Variants in CPN1 observed in about 807,000 individuals in gnomAD.
CPN1 encodes the protein carboxypeptidase N subunit 1, also known as carboxypeptidase N catalytic chain.
CPN1 carries 37 observed loss-of-function variants against 46.4 expected under a neutral mutation model. The observed-to-expected ratio is 0.80, with a 90% confidence interval of 0.61 to 1.05. CPN1 has a LOEUF of 1.05. CPN1 is among the 50% of genes least tolerant of loss of function. The pLI, the probability that CPN1 is intolerant of heterozygous loss-of-function variation, is 0.00. For synonymous variants in CPN1, 224 were observed against 235.4 expected (o/e 0.95, Z 0.44); for missense variants, 563 against 602.6 (o/e 0.93, Z 0.69).
intron 1 of CPN1, among the ~76,000 whole-genome samples, chr10:100,078,082 G>T (rs1255279670): frequency 6.6e-6 from 1 of 151,802 alleles, no homozygotes; most frequent in Non-Finnish European, 1.5e-5. Flanking sequence ...GTCTTGCTCA[G>T]TCATTCATGC....
chr10:100,067,661 G>A (rs2041461880), intron 3 of CPN1, among the ~76,000 whole-genome samples: 1 of 152,198 alleles, frequency 6.6e-6, no homozygotes, highest in Non-Finnish European at 1.5e-5. Context: ...ACCAGGGGTG[G>A]CAGTGATGCT....
rs1393911125 is a variant in CPN1 at position 100,048,671 on chromosome 10, C to T, written c.1230+87G>A. On this transcript the variant is annotated intron_variant, in intron 8 of 8. Coordinates refer to ENST00000370418, the MANE Select transcript of CPN1 (RefSeq NM_001308.3). ...CCACAGTGGTGCCACTGCACTCCAG[C>T]CTGGGTGACAGAGCAGGACACTGTC... 14 of 1,002,496 alleles carry T rather than the reference C, an allele frequency of 1.4e-5. No homozygotes were observed. The Admixed American group carries it at 2.4e-4, about 17-fold the overall frequency. The allele number at this position is 1,002,496 out of a possible 1,614,324, so 62.1% of individuals were successfully genotyped here. A position where few individuals can be genotyped will look rare whatever the true frequency, so the allele number is the denominator to read the frequency against.
At chr10:100,055,861 C>T (rs2041382189) in intron 6 of CPN1, among the ~76,000 whole-genome samples, 1 of 152,208 alleles carries the variant, frequency 6.6e-6, no homozygotes, top group Non-Finnish European at 1.5e-5. Context: ...TAATATTCCA[C>T]TGTATGGATA....
chr10:100,045,864 G>A (rs74152937), intron 8 of CPN1, among the ~76,000 whole-genome samples: 14,447 of 152,150 alleles, frequency 0.095, 1,072 homozygotes, highest in African/African-American at 0.2. Flanking sequence ...AAGGTGGTGG[G>A]AGGGTCTACT....
chr10:100,058,272 TG>T (rs1415910525), intron 5 of CPN1, among the ~76,000 whole-genome samples: 1 of 152,236 alleles, frequency 6.6e-6, no homozygotes, highest in Non-Finnish European at 1.5e-5. Context: ...GCACATGACC[TG>T]TTTTTAAAAG....
chr10:100,071,282 C>G (rs1431007874), intron 2 of CPN1, among the ~76,000 whole-genome samples: 2 of 152,014 alleles, frequency 1.3e-5, no homozygotes, highest in African/African-American at 4.8e-5. Flanking sequence ...ATAACAACAG[C>G]AATTTATTCT....
chr10:100,046,705 G>A (rs7076435), intron 8 of CPN1, among the ~76,000 whole-genome samples: 16,275 of 147,560 alleles, frequency 0.11, 1,468 homozygotes, highest in African/African-American at 0.25. Flanking sequence ...CCCGGGAGGC[G>A]GAGGTTGCAG....
At position 100,075,947 on chromosome 10, in the gene CPN1, G is replaced by C. The variant is rs747924477; in HGVS notation, c.384C>G (p.Ser128=). The change falls in exon 2 of 9, where the codon TCC becomes TCG. Residue 128 remains serine, a synonymous_variant. Coordinates refer to ENST00000370418, the MANE Select transcript of CPN1 (RefSeq NM_001308.3). ...IQDTRIHILP[S]MNPDGYEVAA... ...CCACCTCGTAGCCGTCGGGGTTCAT[G>C]GATGGCAGGATGTGAATGCGCGTGT... 1 of 1,614,186 alleles carries C rather than the reference G, an allele frequency of 6.2e-7. No individual in the cohort carries two copies. The highest frequency in any genetic ancestry group is 8.5e-7 in the Non-Finnish European group (1 of 1,180,048).
At chr10:100,060,965 C>G (rs1304240937) in intron 5 of CPN1, among the ~76,000 whole-genome samples, 1 of 151,732 alleles carries the variant, frequency 6.6e-6, no homozygotes, top group Non-Finnish European at 1.5e-5. Context: ...TTTGCAAAAA[C>G]AGGGATGAAG....
intron 1 of CPN1, among the ~76,000 whole-genome samples, chr10:100,078,026 T>C (rs2041525043): frequency 1.3e-5 from 2 of 152,110 alleles, no homozygotes; most frequent in African/African-American, 4.8e-5. Flanking sequence ...TTCTTTTGGC[T>C]CTCCTTTTTC....
In CPN1 at chr10:100,069,832, T is replaced by C; in HGVS notation, c.458A>G (p.Asn153Ser). The change falls in exon 3 of 9, where the codon AAT becomes AGT. Residue 153 changes from asparagine (N) to serine (S), a missense_variant. Transcript: ENST00000370418. ...GCGGTTCAGGTCCACTCCATTTGCA[T>C]TGTTCCTGCCAACTAGATACCCAGG... ...NKPGYLVGRN[N>S]ANGVDLNRNF... The C allele has an allele frequency of 1.9e-6, 3 of 1,613,878 alleles. No homozygotes were observed. Among genetic ancestry groups the C allele is most frequent in the Non-Finnish European group, 1.7e-6 (2 of 1,179,994 alleles).
At chr10:100,066,745 G>C (rs972139932) in intron 3 of CPN1, among the ~76,000 whole-genome samples, 1 of 152,224 alleles carries the variant, frequency 6.6e-6, no homozygotes, top group Non-Finnish European at 1.5e-5. Context: ...ACCAAGGTCA[G>C]CTCTACAGGC....
At chr10:100,063,033 A>G (rs941399228) in intron 5 of CPN1, among the ~76,000 whole-genome samples, 12 of 152,170 alleles carry the variant, frequency 7.9e-5, no homozygotes, top group Non-Finnish European at 1.5e-4. Flanking sequence ...ACAAATGACT[A>G]CATTATTTTC....
At chr10:100,061,020 G>A (rs2041413900) in intron 5 of CPN1, among the ~76,000 whole-genome samples, 1 of 151,796 alleles carries the variant, frequency 6.6e-6, no homozygotes, top group South Asian at 2.1e-4. Flanking sequence ...CTCATTTGTG[G>A]GAGCTAAAAA....
chr10:100,076,137 T>C, intron 1 of CPN1, 30 bp from the exon 2 acceptor site: 1 of 1,611,034 alleles, frequency 6.2e-7, no homozygotes, highest in Non-Finnish European at 8.5e-7. Context: ...TGGGGGAAGC[T>C]TGGAAGTGTC....
intron 5 of CPN1, among the ~76,000 whole-genome samples, chr10:100,063,369 C>T (rs1238311259): frequency 6.6e-6 from 1 of 151,886 alleles, no homozygotes; most frequent in Non-Finnish European, 1.5e-5. Flanking sequence ...GATCCACCCT[C>T]CTCGGCCTCC....
chr10:100,076,142 A>T (rs768694390), intron 1 of CPN1, 35 bp from the exon 2 acceptor site: 2 of 1,605,720 alleles, frequency 1.2e-6, no homozygotes, highest in East Asian at 4.5e-5. Context: ...GAAGCTTGGA[A>T]GTGTCATTGA....
chr10:100,065,389 T>C lies in CPN1; in HGVS notation c.577-19A>G. 6.2e-7 allele frequency: 1 copy of C among 1,611,600 alleles called. No individual in the cohort carries two copies. Among genetic ancestry groups the C allele is most frequent in the East Asian group, 2.2e-5 (1 of 44,712 alleles). On this transcript the variant is annotated intron_variant, in intron 3 of 8. Coordinates refer to ENST00000370418, the MANE Select transcript of CPN1 (RefSeq NM_001308.3). ...GTTCCACCTGGGAGGAGGCGAGAGG[T>C]TGGCGGTGAAGGGCCAACTGGGGCT...
At chr10:100,054,587 T>C (rs1292508710) in intron 6 of CPN1, 141 bp from the exon 7 acceptor site, 3 of 705,734 alleles carry the variant, frequency 4.3e-6, no homozygotes, top group Non-Finnish European at 5.0e-6. Flanking sequence ...ACTGGTCTCT[T>C]TGCCTCTCTC....
Sources: allele counts gnomAD v4.1 joint callset (sites outside exome capture counted in the v4.1 genomes callset), GRCh38; gene constraint gnomAD v4.1.1; transcripts MANE v1.5; gene names NCBI Gene and HGNC (gene_info 2026-07-23, HGNC 2026-07-21).